The following TMEM232 variants were observed in gnomAD, a reference collection of about 807,000 sequenced individuals.
The protein encoded by TMEM232 is transmembrane protein 232.
Under a neutral mutation model 78.8 loss-of-function variants are expected in TMEM232, and 80 were observed. The observed-to-expected ratio is 1.01, with a 90% CI of 0.85 to 1.22. The LOEUF is 1.22. Ranked by LOEUF, TMEM232 falls within the 50% of genes most tolerant of loss-of-function variation. TMEM232 has a pLI of 0.00. For missense variants in TMEM232, 881 were observed against 742.2 expected (o/e 1.19, Z -2.17); for synonymous variants, 297 against 254.3 (o/e 1.17, Z -1.60).
intron 10 of TMEM232, among the ~76,000 whole-genome samples, chr5:110,596,654 A>G (rs1780206748): frequency 6.6e-6 from 1 of 152,156 alleles, no homozygotes; most frequent in Non-Finnish European, 1.5e-5. Context: ...CACATCAAAA[A>G]GCTTATCCAC....
At chr5:110,466,918 G>GT (rs1554083956) in intron 12 of TMEM232, among the ~76,000 whole-genome samples, 1 of 146,408 alleles carries the variant, frequency 6.8e-6, no homozygotes, top group African/African-American at 2.6e-5. Flanking sequence ...GTGTGTGTGT[G>GT]GTGTATGCTG....
chr5:110,586,852 ATAGT>A (rs1238579268), intron 10 of TMEM232, among the ~76,000 whole-genome samples: 1 of 152,134 alleles, frequency 6.6e-6, no homozygotes, highest in African/African-American at 2.4e-5. Context: ...TATTACTACT[ATAGT>A]TAAATGCCCA....
At chr5:110,466,012 AT>A (rs1762035780) in intron 12 of TMEM232, among the ~76,000 whole-genome samples, 1 of 152,218 alleles carries the variant, frequency 6.6e-6, no homozygotes. Context: ...GCAACTGAAA[AT>A]AGCAGATTAA....
At chr5:110,457,577 CA>C (rs902065461) in intron 12 of TMEM232, among the ~76,000 whole-genome samples, 2 of 151,244 alleles carry the variant, frequency 1.3e-5, no homozygotes, top group Non-Finnish European at 3.0e-5. Flanking sequence ...ATATGGTCAT[CA>C]AAAAAAACTG....
intron 2 of TMEM232, among the ~76,000 whole-genome samples, chr5:110,652,334 C>T (rs2150064646): frequency 1.4e-5 from 1 of 72,702 alleles, no homozygotes; most frequent in East Asian, 5.7e-4. Context: ...TCCAGGGTTT[C>T]AAATACAAAT....
At chr5:110,441,478 A>G (rs147786228) in intron 12 of TMEM232, among the ~76,000 whole-genome samples, 2,136 of 152,272 alleles carry the variant, frequency 0.014, 22 homozygotes, top group Middle Eastern at 0.037. Flanking sequence ...ACAGATTTCC[A>G]TGATGGCACC....
At chr5:110,466,204 C>T (rs1326874613) in intron 12 of TMEM232, among the ~76,000 whole-genome samples, 1 of 152,118 alleles carries the variant, frequency 6.6e-6, no homozygotes, top group Admixed American at 6.5e-5. Context: ...AAAGTGATAT[C>T]ACCACAGAAA....
intron 12 of TMEM232, among the ~76,000 whole-genome samples, chr5:110,433,238 C>A (rs1475329294): frequency 6.6e-6 from 1 of 151,726 alleles, no homozygotes; most frequent in Non-Finnish European, 1.5e-5. Flanking sequence ...AATCATAAAG[C>A]AAGTCTCAAT....
intron 2 of TMEM232, among the ~76,000 whole-genome samples, chr5:110,405,614 A>G (rs1755760534): frequency 6.6e-6 from 1 of 151,574 alleles, no homozygotes. Flanking sequence ...TAAAAGTTAA[A>G]ATTATAATAT....
chr5:110,502,595 A>G (rs1561579515), intron 12 of TMEM232, among the ~76,000 whole-genome samples: 1 of 152,106 alleles, frequency 6.6e-6, no homozygotes, highest in African/African-American at 2.4e-5. Context: ...TTCCCTTTGC[A>G]CTTAGAATAT....
At chr5:110,474,627 T>C (rs976050965) in intron 12 of TMEM232, among the ~76,000 whole-genome samples, 1 of 151,980 alleles carries the variant, frequency 6.6e-6, no homozygotes, top group African/African-American at 2.4e-5. Flanking sequence ...AAAAAATTGT[T>C]ATCCTTAGTG....
chr5:110,417,625 T>TCTTTTTTC (rs1157389560), downstream of TMEM232: 4 of 112,274 alleles, frequency 3.6e-5, no homozygotes, highest in African/African-American at 2.0e-4. Flanking sequence ...TTTCTTTTTT[T>TCTTTTTTC]TTTTTTTTTT....
At chr5:110,552,376 TG>T (rs1478277469) in intron 11 of TMEM232, among the ~76,000 whole-genome samples, 1 of 152,024 alleles carries the variant, frequency 6.6e-6, no homozygotes, top group Non-Finnish European at 1.5e-5. Flanking sequence ...TAAAATAGGT[TG>T]GTTAAATAAT....
intron 12 of TMEM232, among the ~76,000 whole-genome samples, chr5:110,462,451 G>A (rs1038817414): frequency 5.9e-5 from 9 of 152,208 alleles, no homozygotes; most frequent in African/African-American, 2.2e-4. Flanking sequence ...AGCGCAGCTA[G>A]GATAAAAGCA....
At chr5:110,680,927 G>C (rs1485789547) in intron 1 of TMEM232, among the ~76,000 whole-genome samples, 5 of 152,004 alleles carry the variant, frequency 3.3e-5, no homozygotes, top group African/African-American at 4.8e-5. Flanking sequence ...TAGGGGTAGA[G>C]AAGAATCTGC....
At chr5:110,612,260 G>C (rs768337852) in intron 8 of TMEM232, among the ~76,000 whole-genome samples, 2 of 152,054 alleles carry the variant, frequency 1.3e-5, no homozygotes, top group Non-Finnish European at 2.9e-5. Context: ...ATGTCTTCTG[G>C]TTTCAGGTTG....
At chr5:110,621,860 C>T (rs371407861) in intron 7 of TMEM232, among the ~76,000 whole-genome samples, 1 of 152,106 alleles carries the variant, frequency 6.6e-6, no homozygotes, top group East Asian at 1.9e-4. Flanking sequence ...GAGAAGCCCA[C>T]CTACAAAAGT....
chr5:110,649,101 G>T (rs374746464), intron 2 of TMEM232, among the ~76,000 whole-genome samples: 3 of 151,912 alleles, frequency 2.0e-5, no homozygotes, highest in African/African-American at 7.3e-5. Context: ...AATGTCAAGG[G>T]AATGAAAAAT....
chr5:110,636,137 G>A (rs1785796515), intron 5 of TMEM232, among the ~76,000 whole-genome samples: 1 of 151,968 alleles, frequency 6.6e-6, no homozygotes. Flanking sequence ...GAGTCACTAT[G>A]TTAAATGAAA....
Sources: allele counts gnomAD v4.1 joint callset (sites outside exome capture counted in the v4.1 genomes callset), GRCh38; gene constraint gnomAD v4.1.1; transcripts MANE v1.5; gene names NCBI Gene and HGNC (gene_info 2026-07-23, HGNC 2026-07-21).